PDE8B: variants seen among roughly 807,000 people sequenced by gnomAD.
The protein encoded by PDE8B is high affinity cAMP-specific and IBMX-insensitive 3',5'-cyclic phosphodiesterase 8B.
PDE8B carries 26 observed loss-of-function variants against 101.3 expected under a neutral mutation model. The observed-to-expected ratio is 0.26, with a 90% CI of 0.19 to 0.36. The LOEUF (loss-of-function observed/expected upper bound fraction) is 0.36. Ranked by LOEUF, PDE8B falls within the 10% of genes least tolerant of loss-of-function variation. The pLI, the probability that PDE8B is intolerant of heterozygous loss-of-function variation, is 1.00. For synonymous variants in PDE8B, 424 were observed against 429.3 expected (o/e 0.99, Z 0.15); for missense variants, 810 against 1,163.1 (o/e 0.70, Z 4.42).
chr5:77,417,650 T>G (rs1012179716), intron 17 of PDE8B, among the ~76,000 whole-genome samples: 12 of 152,200 alleles, frequency 7.9e-5, no homozygotes, highest in Admixed American at 5.2e-4. Context: ...TTGCCTTTGC[T>G]GCCTGCTAGC....
chr5:77,362,323 C>T (rs1044283916), intron 10 of PDE8B, among the ~76,000 whole-genome samples: 1 of 152,078 alleles, frequency 6.6e-6, no homozygotes, highest in African/African-American at 2.4e-5. Flanking sequence ...TAAACAAATG[C>T]TATGTTTAAG....
At chr5:77,151,638 A>C in the PDE8B span, among the ~76,000 whole-genome samples, 45 of 152,306 alleles carry the variant, frequency 3.0e-4, no homozygotes, top group African/African-American at 1.1e-3. Flanking sequence ...CATTTTATAC[A>C]TGAGGAACAC....
At chr5:77,425,475 C>T (rs755370797) in intron 20 of PDE8B, among the ~76,000 whole-genome samples, 2 of 152,124 alleles carry the variant, frequency 1.3e-5, no homozygotes, top group Non-Finnish European at 2.9e-5. Context: ...ATTGCTTGAA[C>T]CTGGGAGGCG....
chr5:77,278,552 C>T (rs1764285851), intron 1 of PDE8B, among the ~76,000 whole-genome samples: 6 of 152,162 alleles, frequency 3.9e-5, no homozygotes, highest in Admixed American at 3.9e-4. Context: ...TCATTGCAAG[C>T]TCTGCCTCCC....
At chr5:77,135,017 A>T in the PDE8B span, among the ~76,000 whole-genome samples, 1 of 152,182 alleles carries the variant, frequency 6.6e-6, no homozygotes, top group Non-Finnish European at 1.5e-5. Flanking sequence ...CGTAGAGGCC[A>T]TACTTCCCTT....
At chr5:77,236,978 A>G (rs778990316) in intron 1 of PDE8B, among the ~76,000 whole-genome samples, 1 of 152,138 alleles carries the variant, frequency 6.6e-6, no homozygotes, top group African/African-American at 2.4e-5. Context: ...CTAATTGTAT[A>G]TTTAGTATTT....
At chr5:77,182,005 A>G in the PDE8B span, among the ~76,000 whole-genome samples, 2 of 151,706 alleles carry the variant, frequency 1.3e-5, no homozygotes, top group Non-Finnish European at 2.9e-5. Context: ...AGAAGCAAAA[A>G]CAGAAGAATG....
the PDE8B span, among the ~76,000 whole-genome samples, chr5:77,151,043 A>G: frequency 6.6e-6 from 1 of 152,346 alleles, no homozygotes; most frequent in East Asian, 1.9e-4. Flanking sequence ...GATTGTCTAG[A>G]TGTTCATCAA....
the PDE8B span, among the ~76,000 whole-genome samples, chr5:77,094,268 A>G: frequency 6.6e-6 from 1 of 152,180 alleles, no homozygotes; most frequent in African/African-American, 2.4e-5. Flanking sequence ...AGCCATGTCA[A>G]TGCAGTCTTT....
At chr5:77,194,330 A>C in the PDE8B span, among the ~76,000 whole-genome samples, 5 of 152,206 alleles carry the variant, frequency 3.3e-5, no homozygotes, top group African/African-American at 1.2e-4. Context: ...TGTAAATAAG[A>C]AGTGAATTGT....
rs188046245 is a variant in PDE8B at position 77,357,331 on chromosome 5, C to T, written c.1167+3925C>T. Among the ~76,000 whole-genome samples the T allele has an allele frequency of 5.4e-4, 82 of 152,278 alleles. 1 individual carries two copies. The East Asian group carries it at 0.015, about 28-fold the overall frequency. Reference sequence around the variant, plus strand: ...TGGGGATGGCTTATTCTCAAAGAGACCACACATGCTTAGAAACCCTTTAGC... The same window carrying T: ...TGGGGATGGCTTATTCTCAAAGAGATCACACATGCTTAGAAACCCTTTAGC... On this transcript the variant is annotated intron_variant, in intron 10 of 21. Transcript: ENST00000264917.
At chr5:77,302,634 C>T (rs1770231467) in intron 1 of PDE8B, among the ~76,000 whole-genome samples, 1 of 152,204 alleles carries the variant, frequency 6.6e-6, no homozygotes, top group South Asian at 2.1e-4. Flanking sequence ...AAAACCCTCA[C>T]CTCATTTAAA....
At chr5:77,121,885 C>G in the PDE8B span, among the ~76,000 whole-genome samples, 2 of 152,314 alleles carry the variant, frequency 1.3e-5, no homozygotes, top group South Asian at 2.1e-4. Context: ...CATTACGTTT[C>G]ACCTTTGCAC....
At chr5:77,094,747 T>C in the PDE8B span, among the ~76,000 whole-genome samples, 8 of 152,006 alleles carry the variant, frequency 5.3e-5, no homozygotes, top group African/African-American at 1.9e-4. Flanking sequence ...CTTCCACTTA[T>C]GATAAAAGGG....
intron 10 of PDE8B, among the ~76,000 whole-genome samples, chr5:77,357,064 G>C (rs1782241043): frequency 6.6e-6 from 1 of 152,198 alleles, no homozygotes; most frequent in Non-Finnish European, 1.5e-5. Context: ...CAAACCTATA[G>C]AGAATGTCTT....
At chr5:77,150,363 C>A in the PDE8B span, among the ~76,000 whole-genome samples, 1 of 152,168 alleles carries the variant, frequency 6.6e-6, no homozygotes, top group African/African-American at 2.4e-5. Context: ...TCTCAGAGTT[C>A]CCAATGGAAT....
chr5:77,186,263 G>A, the PDE8B span, among the ~76,000 whole-genome samples: 4 of 152,174 alleles, frequency 2.6e-5, no homozygotes, highest in Admixed American at 2.0e-4. Flanking sequence ...AGCTCCAACA[G>A]CCTACGCATA....
the PDE8B span, among the ~76,000 whole-genome samples, chr5:77,125,786 T>A: frequency 6.6e-6 from 1 of 152,062 alleles, no homozygotes; most frequent in South Asian, 2.1e-4. Context: ...AAAATAGAGG[T>A]TTCCAGGGTC....
At chr5:77,161,025 T>G in the PDE8B span, among the ~76,000 whole-genome samples, 1 of 152,364 alleles carries the variant, frequency 6.6e-6, no homozygotes, top group South Asian at 2.1e-4. Context: ...CTTCTCAGTT[T>G]GTCATTTTCT....
Sources: allele counts gnomAD v4.1 joint callset (sites outside exome capture counted in the v4.1 genomes callset), GRCh38; gene constraint gnomAD v4.1.1; transcripts MANE v1.5; gene names NCBI Gene and HGNC (gene_info 2026-07-23, HGNC 2026-07-21).